Variants in PLCB4 observed in about 807,000 individuals in gnomAD.
PLCB4 encodes 1-phosphatidylinositol 4,5-bisphosphate phosphodiesterase beta-4.
PLCB4 carries 77 observed loss-of-function variants against 178.8 expected under a neutral mutation model. The ratio of observed to expected loss-of-function variants is 0.43; its 90% CI spans 0.36 to 0.52. The LOEUF (loss-of-function observed/expected upper bound fraction) is 0.52. Ranked by LOEUF, PLCB4 falls within the 20% of genes least tolerant of loss-of-function variation. The pLI is 0.00. For missense variants in PLCB4, 1,024 were observed against 1,453.4 expected (o/e 0.70, Z 4.80); for synonymous variants, 496 against 490.8 (o/e 1.01, Z -0.14).
chr20:9,468,553 C>G lies in PLCB4; in HGVS notation c.3249-18C>G. ...TCCATCCCCCCTCCCTGTTTGTTTT[C>G]TTGTTTTTAATACATAGGGAAAGCA... On this transcript the variant is annotated intron_variant, in intron 35 of 39. Coordinates refer to ENST00000378473, the MANE Select transcript of PLCB4 (RefSeq NM_001377142.1). 1 of 1,491,244 alleles carries G rather than the reference C, an allele frequency of 6.7e-7. No individual in the cohort carries two copies. The allele number at this position is 1,491,244 out of a possible 1,614,324, so 92.4% of individuals were successfully genotyped here.
chr20:9,472,641 A>G (rs1412558469), intron 36 of PLCB4, 149 bp from the exon 37 acceptor site: 6 of 488,636 alleles, frequency 1.2e-5, no homozygotes, highest in Non-Finnish European at 2.2e-5. Flanking sequence ...TCTGGACATT[A>G]TATGTTTGAA....
At chr20:9,199,209 T>C (rs1260321881) in intron 2 of PLCB4, among the ~76,000 whole-genome samples, 2 of 152,190 alleles carry the variant, frequency 1.3e-5, no homozygotes, top group African/African-American at 2.4e-5. Flanking sequence ...AAGCTCTGGA[T>C]TGTAACACTA....
At position 9,393,403 on chromosome 20, in the gene PLCB4, T is replaced by G. The variant is rs148336718; in HGVS notation, c.1324-185T>G. ...GTGGATTTCAAGTTTGCAGCACTAG[T>G]CTAAGGAAAAGCTCAATGGGTGTGC... On this transcript the variant is annotated intron_variant, in intron 17 of 39. Coordinates refer to ENST00000378473, the MANE Select transcript of PLCB4 (RefSeq NM_001377142.1). 6.0e-3 allele frequency among the ~76,000 whole-genome samples: 906 copies of G among 152,194 alleles called. 7 individuals are homozygous for G. The highest frequency in any genetic ancestry group is 9.9e-3 in the Non-Finnish European group (673 of 68,012).
intron 39 of PLCB4, among the ~76,000 whole-genome samples, chr20:9,478,684 T>A (rs931537424): frequency 6.6e-6 from 1 of 152,304 alleles, no homozygotes; most frequent in African/African-American, 2.4e-5. Context: ...AAAAACTTCC[T>A]GGAGATCTTG....
In PLCB4 at chr20:9,174,120, G is replaced by A. The variant is rs563935960; in HGVS notation, c.-78-43270G>A. Among the ~76,000 whole-genome samples, 12 of 152,024 alleles carry A rather than the reference G, an allele frequency of 7.9e-5. No homozygotes were observed. The South Asian group carries it at 2.1e-3, about 26-fold the overall frequency. On this transcript the variant is annotated intron_variant, in intron 2 of 39. Coordinates refer to ENST00000378473, the MANE Select transcript of PLCB4 (RefSeq NM_001377142.1). ...TTGGCTTGGTTTTGCTGCTACTGCT[G>A]CTGCTTCTTGTTTTGTTTTGTTTTG...
chr20:9,143,721 A>G (rs559295327), intron 2 of PLCB4, among the ~76,000 whole-genome samples: 21 of 152,216 alleles, frequency 1.4e-4, no homozygotes, highest in Middle Eastern at 6.8e-3. Context: ...GTTTTAGGAG[A>G]TTATACTATA....
At chr20:9,120,158 C>T (rs113012971) in intron 2 of PLCB4, among the ~76,000 whole-genome samples, 3 of 152,156 alleles carry the variant, frequency 2.0e-5, no homozygotes, top group African/African-American at 7.2e-5. Context: ...ATCTGCGTTA[C>T]GGAAGTGAAC....
At chr20:9,102,924 A>G (rs1053260728) in intron 2 of PLCB4, among the ~76,000 whole-genome samples, 2 of 152,166 alleles carry the variant, frequency 1.3e-5, no homozygotes, top group African/African-American at 4.8e-5. Flanking sequence ...CTTCCATATA[A>G]GCTATGAAGG....
chr20:9,230,213 T>C (rs545780457), intron 3 of PLCB4, among the ~76,000 whole-genome samples: 10 of 152,178 alleles, frequency 6.6e-5, no homozygotes, highest in Non-Finnish European at 1.5e-4. Context: ...CACACTGGAT[T>C]TGGGCCCACC....
At chr20:9,093,584 A>G (rs1435137865) in intron 1 of PLCB4, among the ~76,000 whole-genome samples, 1 of 151,846 alleles carries the variant, frequency 6.6e-6, no homozygotes, top group Non-Finnish European at 1.5e-5. Flanking sequence ...GTTTTTAATC[A>G]TCACATCTCA....
chr20:9,365,767 G>C (rs1277192153), intron 9 of PLCB4, among the ~76,000 whole-genome samples: 1 of 152,132 alleles, frequency 6.6e-6, no homozygotes, highest in Non-Finnish European at 1.5e-5. Context: ...AGAAAATGTA[G>C]AACTATTTTT....
chr20:9,311,535 C>T (rs1009778050), intron 4 of PLCB4, among the ~76,000 whole-genome samples: 1 of 152,116 alleles, frequency 6.6e-6, no homozygotes, highest in Admixed American at 6.6e-5. Flanking sequence ...ATTCCTGTTC[C>T]TGTTTCCTTT....
At chr20:9,268,471 A>G (rs1220108359) in intron 3 of PLCB4, among the ~76,000 whole-genome samples, 4 of 152,204 alleles carry the variant, frequency 2.6e-5, no homozygotes, top group Non-Finnish European at 5.9e-5. Context: ...TTGATTGCTT[A>G]TATCTGGGTA....
chr20:9,475,268 A>T (rs929726886), intron 38 of PLCB4, among the ~76,000 whole-genome samples: 5 of 152,366 alleles, frequency 3.3e-5, no homozygotes, highest in African/African-American at 1.2e-4. Context: ...ATAGTGGTGT[A>T]TGCCAGAGCT....
chr20:9,214,701 A>T (rs2093710340), intron 2 of PLCB4, among the ~76,000 whole-genome samples: 1 of 152,136 alleles, frequency 6.6e-6, no homozygotes, highest in African/African-American at 2.4e-5. Context: ...AAAAGTTGGT[A>T]TGCTGGAGTC....
chr20:9,162,202 A>G (rs1180048881), intron 2 of PLCB4, among the ~76,000 whole-genome samples: 1 of 152,196 alleles, frequency 6.6e-6, no homozygotes, highest in Non-Finnish European at 1.5e-5. Context: ...TCCCTGAAAC[A>G]ATGAGTTGAC....
upstream of PLCB4, chr20:9,068,740 C>G (rs1224506408): frequency 2.0e-5 from 3 of 150,962 alleles, no homozygotes; most frequent in Middle Eastern, 3.2e-3. Flanking sequence ...GAGGCGAGAA[C>G]GAGGAGGGAG....
At chr20:9,402,859 T>C (rs2039139409) in intron 20 of PLCB4, among the ~76,000 whole-genome samples, 2 of 151,950 alleles carry the variant, frequency 1.3e-5, no homozygotes, top group African/African-American at 4.8e-5. Flanking sequence ...AATTCAGGAG[T>C]TTCAAATGGG....
At chr20:9,237,017 A>G (rs1356103890) in intron 3 of PLCB4, among the ~76,000 whole-genome samples, 1 of 152,182 alleles carries the variant, frequency 6.6e-6, no homozygotes, top group East Asian at 1.9e-4. Flanking sequence ...ATACTGTGTC[A>G]CAGAAATACA....
Sources: gnomAD v4.1 joint callset for allele counts (sites outside exome capture counted in the v4.1 genomes callset) on GRCh38, gnomAD v4.1.1 for gene constraint, MANE v1.5 for transcripts, NCBI Gene and HGNC (gene_info 2026-07-23, HGNC 2026-07-21) for gene names.